The following GARRE1 variants were observed in gnomAD, a reference collection of about 807,000 sequenced individuals.
GARRE1 encodes the protein granule associated Rac and RHOG effector 1.
A neutral mutation model predicts 103.2 loss-of-function variants in GARRE1; 49 were observed. The ratio of observed to expected loss-of-function variants is 0.47; its 90% CI spans 0.38 to 0.60. The LOEUF is 0.60. Among genes scored for constraint, GARRE1 ranks in the 20% least tolerant of loss-of-function variants. The probability of loss-of-function intolerance (pLI) is 0.00; values close to 1 mark genes in which losing one functional copy is unlikely to be tolerated. For missense variants in GARRE1, 1,199 were observed against 1,370.5 expected (o/e 0.87, Z 1.98); for synonymous variants, 505 against 532.8 (o/e 0.95, Z 0.72).
At chr19:34,346,638 T>TG (rs2074212385) in intron 10 of GARRE1, among the ~76,000 whole-genome samples, 1 of 152,148 alleles carries the variant, frequency 6.6e-6, no homozygotes, top group African/African-American at 2.4e-5. Flanking sequence ...TTTTTTGAGT[T>TG]GGAGTTTTGC....
chr19:34,302,649 G>A (rs942868688), intron 2 of GARRE1, among the ~76,000 whole-genome samples: 2 of 150,982 alleles, frequency 1.3e-5, no homozygotes, highest in Non-Finnish European at 2.9e-5. Context: ...CACGTTTATA[G>A]AATAATTTTT....
intron 1 of GARRE1, among the ~76,000 whole-genome samples, chr19:34,284,705 T>C (rs2073876008): frequency 6.6e-6 from 1 of 152,218 alleles, no homozygotes. Context: ...TTTATTTCCA[T>C]GCAGCATGAA....
intron 12 of GARRE1, among the ~76,000 whole-genome samples, chr19:34,349,910 C>T (rs2074228643): frequency 6.6e-6 from 1 of 152,008 alleles, no homozygotes; most frequent in African/African-American, 2.4e-5. Context: ...CACGAGCACA[C>T]ATTCAGATGC....
At chr19:34,350,440 CTG>C (rs2145287793) in intron 12 of GARRE1, among the ~76,000 whole-genome samples, 1 of 152,338 alleles carries the variant, frequency 6.6e-6, no homozygotes, top group Non-Finnish European at 1.5e-5. Context: ...TCTGCAGAGA[CTG>C]TTGTCTGCAT....
At chr19:34,335,547 A>G (rs1029305636) in intron 8 of GARRE1, among the ~76,000 whole-genome samples, 3 of 152,172 alleles carry the variant, frequency 2.0e-5, no homozygotes, top group African/African-American at 7.2e-5. Context: ...TTTTTTCGAG[A>G]CAGAATCTCG....
chr19:34,307,671 TTA>T (rs1357130438), intron 2 of GARRE1, among the ~76,000 whole-genome samples: 1 of 50,696 alleles, frequency 2.0e-5, no homozygotes, highest in Non-Finnish European at 8.4e-5. Flanking sequence ...ACATATATAC[TTA>T]TATATACATA....
chr19:34,351,551 CCCTCACCACCTCT>C lies in GARRE1; in HGVS notation c.2873_2885del (p.Pro958ArgfsTer5). The C allele has an allele frequency of 6.2e-7, 1 of 1,613,984 alleles. No homozygotes were observed. Reference sequence around the variant, plus strand: ...TGGAGAGCAAGACACCAGCACGCTGCCCTCACCACCTCTCCTCACCACGGTGGAGGATGTGAAC... The same window carrying C: ...TGGAGAGCAAGACACCAGCACGCTGCCCTCACCACGGTGGAGGATGTGAAC... On this transcript the variant is annotated frameshift_variant, in exon 13 of 14. Coordinates refer to ENST00000299505, the MANE Select transcript of GARRE1 (RefSeq NM_014686.5). LOFTEE classifies it high-confidence loss of function.
In GARRE1 at chr19:34,352,779, C is replaced by A; in HGVS notation, c.3037C>A (p.Gln1013Lys). 2 of 1,614,118 alleles carry A rather than the reference C, an allele frequency of 1.2e-6. No individual in the cohort carries two copies. ...SPGSQWNDTM[Q>K]MLQSPVWAAT... is the part of the protein sequence containing the mutation. Reference sequence around the variant, plus strand: ...TGGCAGCCAGTGGAACGACACCATGCAGATGCTGCAGTCCCCAGTGTGGGC... The same window carrying A: ...TGGCAGCCAGTGGAACGACACCATGAAGATGCTGCAGTCCCCAGTGTGGGC... The change falls in exon 14 of 14, where the codon CAG (glutamine) becomes AAG (lysine). Residue 1013 changes from glutamine to lysine, a missense_variant. Gln to Lys is a moderately conservative substitution (Grantham distance 53). Coordinates refer to ENST00000299505, the MANE Select transcript of GARRE1 (RefSeq NM_014686.5).
At chr19:34,348,248 C>T (rs1335738762) in intron 11 of GARRE1, 4 of 405,218 alleles carry the variant, frequency 9.9e-6, no homozygotes, top group Non-Finnish European at 1.7e-5. Flanking sequence ...TGATGTATCC[C>T]TGTGAACGTG....
intron 1 of GARRE1, among the ~76,000 whole-genome samples, chr19:34,293,618 C>T (rs1023474667): frequency 6.6e-6 from 1 of 150,800 alleles, no homozygotes; most frequent in Non-Finnish European, 1.5e-5. Flanking sequence ...GCTGGTTGAA[C>T]TTCTGGGCTC....
At chr19:34,335,600 A>T (rs1349129692) in intron 8 of GARRE1, among the ~76,000 whole-genome samples, 1 of 152,166 alleles carries the variant, frequency 6.6e-6, no homozygotes, top group Non-Finnish European at 1.5e-5. Context: ...ATCTCGGCTC[A>T]CTGCAGCCTC....
At chr19:34,335,008 A>C (rs1175227510) in intron 8 of GARRE1, among the ~76,000 whole-genome samples, 1 of 151,716 alleles carries the variant, frequency 6.6e-6, no homozygotes, top group African/African-American at 2.4e-5. Context: ...GTGCCACTGC[A>C]CTCCAGCCTG....
At chr19:34,297,010 G>A (rs112698220) in intron 1 of GARRE1, among the ~76,000 whole-genome samples, 1,829 of 152,282 alleles carry the variant, frequency 0.012, 46 homozygotes, top group African/African-American at 0.04. Context: ...TTTTGAGGCC[G>A]GCATGGTGGC....
chr19:34,281,769 T>C (rs1018305447), intron 1 of GARRE1, among the ~76,000 whole-genome samples: 1 of 152,248 alleles, frequency 6.6e-6, no homozygotes, highest in African/African-American at 2.4e-5. Context: ...GCTGTGCCAC[T>C]AATTTGGTAA....
At chr19:34,296,096 T>C (rs1157407575) in intron 1 of GARRE1, among the ~76,000 whole-genome samples, 1 of 152,194 alleles carries the variant, frequency 6.6e-6, no homozygotes, top group African/African-American at 2.4e-5. Context: ...TCAGGAAATA[T>C]TACTTTTACA....
At chr19:34,256,126 A>G (rs920780922) in intron 1 of GARRE1, among the ~76,000 whole-genome samples, 11 of 152,062 alleles carry the variant, frequency 7.2e-5, no homozygotes, top group African/African-American at 2.4e-4. Context: ...GGCGTGAGCC[A>G]CCGTGTCCGG....
intron 1 of GARRE1, among the ~76,000 whole-genome samples, chr19:34,292,359 GTTTA>G (rs1386421200): frequency 1.3e-5 from 2 of 152,050 alleles, no homozygotes; most frequent in Admixed American, 1.3e-4. Context: ...TACTACATTT[GTTTA>G]TTCATTTGTC....
chr19:34,296,432 A>C, intron 1 of GARRE1: 3 of 1,586,958 alleles, frequency 1.9e-6, no homozygotes, highest in Middle Eastern at 2.3e-4. Flanking sequence ...CACACTTCCC[A>C]AGCTTGGGGT....
intron 1 of GARRE1, among the ~76,000 whole-genome samples, chr19:34,262,322 G>T (rs2073723940): frequency 2.0e-5 from 1 of 49,026 alleles, no homozygotes. Context: ...TTTTGAGGCG[G>T]AGTCTCTCTC....
Sources: allele counts gnomAD v4.1 joint callset (sites outside exome capture counted in the v4.1 genomes callset), GRCh38; gene constraint gnomAD v4.1.1; transcripts MANE v1.5; gene names NCBI Gene and HGNC (gene_info 2026-07-23, HGNC 2026-07-21).